GCNT2: variants seen among roughly 807,000 people sequenced by gnomAD.
GCNT2 encodes N-acetyllactosaminide beta-1,6-N-acetylglucosaminyl-transferase.
GCNT2 carries 34 observed loss-of-function variants against 34.2 expected under a neutral mutation model. The observed-to-expected ratio is 1.00, with a 90% CI of 0.76 to 1.32. The LOEUF is 1.32. Among genes scored for constraint, GCNT2 ranks in the 40% most tolerant of loss-of-function variants. The pLI is 0.00. For missense variants in GCNT2, 584 were observed against 489.4 expected (o/e 1.19, Z -1.82); for synonymous variants, 212 against 188.0 (o/e 1.13, Z -1.04).
At chr6:10,617,229 G>A (rs1484965327) in intron 3 of GCNT2, among the ~76,000 whole-genome samples, 2 of 152,188 alleles carry the variant, frequency 1.3e-5, no homozygotes, top group Non-Finnish European at 2.9e-5. Flanking sequence ...AAGGCCCAGC[G>A]AGAAATCCAG....
At chr6:10,567,307 A>G (rs1763326187) in intron 3 of GCNT2, among the ~76,000 whole-genome samples, 1 of 152,194 alleles carries the variant, frequency 6.6e-6, no homozygotes, top group African/African-American at 2.4e-5. Context: ...ATATACAAAA[A>G]TCAGCTGGGC....
intron 3 of GCNT2, among the ~76,000 whole-genome samples, chr6:10,607,136 C>T (rs148609515): frequency 0.12 from 18,514 of 151,804 alleles, 1,734 homozygotes; most frequent in African/African-American, 0.26. Flanking sequence ...TTAGTAGAGA[C>T]GGGGTTTCAC....
At chr6:10,553,846 A>G (rs1462093525) in intron 3 of GCNT2, among the ~76,000 whole-genome samples, 1 of 152,246 alleles carries the variant, frequency 6.6e-6, no homozygotes, top group Non-Finnish European at 1.5e-5. Context: ...GTGAGACATG[A>G]TGGTGCCACT....
At chr6:10,556,130 C>G (rs1561796004) in intron 3 of GCNT2, 1 of 1,299,164 alleles carries the variant, frequency 7.7e-7, no homozygotes, top group African/African-American at 1.5e-5. Flanking sequence ...AGCAAAACAG[C>G]TAGCAGATGC....
intron 3 of GCNT2, among the ~76,000 whole-genome samples, chr6:10,614,762 C>T (rs1765695011): frequency 6.6e-6 from 1 of 152,128 alleles, no homozygotes; most frequent in African/African-American, 2.4e-5. Context: ...CCGTCTGATC[C>T]TCACAAAACC....
At chr6:10,539,180 C>CTCTTTTTT (rs1554127323) in intron 3 of GCNT2, among the ~76,000 whole-genome samples, 6 of 65,328 alleles carry the variant, frequency 9.2e-5, no homozygotes, top group Admixed American at 1.9e-4. Flanking sequence ...CTCACCGTCT[C>CTCTTTTTT]TTTTTTTTTT....
chr6:10,623,971 C>A (rs1766153604), intron 4 of GCNT2, among the ~76,000 whole-genome samples: 1 of 152,200 alleles, frequency 6.6e-6, no homozygotes, highest in South Asian at 2.1e-4. Context: ...AAGGCTGATT[C>A]CTAACCCTAA....
chr6:10,579,677 G>T (rs1199566913), intron 3 of GCNT2, among the ~76,000 whole-genome samples: 1 of 151,970 alleles, frequency 6.6e-6, no homozygotes, highest in African/African-American at 2.4e-5. Context: ...TCAGCTGGCT[G>T]TGGTGGCTGG....
At chr6:10,601,487 G>A (rs982915880) in intron 3 of GCNT2, among the ~76,000 whole-genome samples, 1 of 152,066 alleles carries the variant, frequency 6.6e-6, no homozygotes, top group Non-Finnish European at 1.5e-5. Context: ...ATGCCACAAC[G>A]CCCCAGTATG....
At chr6:10,611,276 T>C (rs1428884335) in intron 3 of GCNT2, among the ~76,000 whole-genome samples, 1 of 23,362 alleles carries the variant, frequency 4.3e-5, no homozygotes, top group African/African-American at 1.6e-4. Flanking sequence ...ACTGGTTCAA[T>C]TGATCAATTG....
At chr6:10,554,318 G>C (rs765958614) in intron 3 of GCNT2, among the ~76,000 whole-genome samples, 3 of 152,248 alleles carry the variant, frequency 2.0e-5, no homozygotes, top group Middle Eastern at 6.8e-3. Context: ...GAGGAAAATC[G>C]ACTATATTTT....
intron 3 of GCNT2, among the ~76,000 whole-genome samples, chr6:10,539,951 G>GC (rs1334928299): frequency 1.1e-4 from 16 of 152,138 alleles, no homozygotes; most frequent in African/African-American, 2.9e-4. Flanking sequence ...GGAGGCGCGT[G>GC]CCGGTAGTCC....
intron 3 of GCNT2, among the ~76,000 whole-genome samples, chr6:10,577,885 TTCG>T (rs148408799): frequency 0.022 from 3,299 of 152,258 alleles, 106 homozygotes; most frequent in African/African-American, 0.073. Flanking sequence ...GTTTTTGAAC[TTCG>T]TGGTGGTAGG....
At chr6:10,545,634 G>A (rs1762235609) in intron 3 of GCNT2, among the ~76,000 whole-genome samples, 1 of 152,184 alleles carries the variant, frequency 6.6e-6, no homozygotes, top group Non-Finnish European at 1.5e-5. Context: ...GGGTAAATCA[G>A]TCACCCTTGT....
intron 3 of GCNT2, among the ~76,000 whole-genome samples, chr6:10,597,166 T>TC (rs1215298592): frequency 6.7e-6 from 1 of 149,962 alleles, no homozygotes. Flanking sequence ...TTTTTTTTTT[T>TC]TTTTTTTGAG....
chr6:10,541,196 G>A (rs188619934), intron 3 of GCNT2, among the ~76,000 whole-genome samples: 1 of 152,176 alleles, frequency 6.6e-6, no homozygotes, highest in East Asian at 1.9e-4. Context: ...GCCCCAGTAT[G>A]TGTTGTTCCC....
chr6:10,578,375 A>G, intron 3 of GCNT2, among the ~76,000 whole-genome samples: 1 of 139,380 alleles, frequency 7.2e-6, no homozygotes, highest in Non-Finnish European at 1.5e-5. Flanking sequence ...AGAGTGAGTG[A>G]GACTCTGTCT....
chr6:10,582,498 A>T (rs1208928612), intron 3 of GCNT2, among the ~76,000 whole-genome samples: 6 of 122,738 alleles, frequency 4.9e-5, no homozygotes, highest in Non-Finnish European at 9.6e-5. Flanking sequence ...TATAATATAT[A>T]ATATAATACA....
At chr6:10,603,490 C>T (rs1554136546) in intron 3 of GCNT2, among the ~76,000 whole-genome samples, 1 of 152,166 alleles carries the variant, frequency 6.6e-6, no homozygotes, top group Non-Finnish European at 1.5e-5. Flanking sequence ...CAGATGCAGA[C>T]AGGGGAGGGA....
Sources: gnomAD v4.1 joint callset for allele counts (sites outside exome capture counted in the v4.1 genomes callset) on GRCh38, gnomAD v4.1.1 for gene constraint, MANE v1.5 for transcripts, NCBI Gene and HGNC (gene_info 2026-07-23, HGNC 2026-07-21) for gene names.